The following WWOX variants were observed in gnomAD, a reference collection of about 807,000 sequenced individuals.
WWOX encodes WW domain containing oxidoreductase, also known as WW domain-containing oxidoreductase.
Under a neutral mutation model 46.2 loss-of-function variants are expected in WWOX, and 69 were observed. The ratio of observed to expected loss-of-function variants is 1.49; its 90% CI spans 1.23 to 1.82. WWOX has a LOEUF of 1.82. Among genes scored for constraint, WWOX ranks in the 40% most tolerant of loss-of-function variants. The pLI is 0.00. For missense variants in WWOX, 919 were observed against 542.6 expected (o/e 1.69, Z -6.89); for synonymous variants, 359 against 202.6 (o/e 1.77, Z -6.56).
chr16:79,106,964 C>A (rs1391480881), intron 8 of WWOX, among the ~76,000 whole-genome samples: 1 of 151,946 alleles, frequency 6.6e-6, no homozygotes, highest in African/African-American at 2.4e-5. Flanking sequence ...CCCCCCGCAA[C>A]CATGTCCCAC....
chr16:78,506,728 T>TTTG lies in WWOX; in HGVS notation c.1056+73976_1056+73977insTTG, dbSNP rs1330915138. On this transcript the variant is annotated intron_variant, in intron 8 of 8. Coordinates refer to ENST00000566780, the MANE Select transcript of WWOX (RefSeq NM_016373.4). Reference sequence around the variant, plus strand: ...TTTTTTTTTTTTTTTTTTTTTTTTTTGTACAGAGTCTTGCTCTGTTGTCCA... The same window carrying TTTG: ...TTTTTTTTTTTTTTTTTTTTTTTTTTTTGGTACAGAGTCTTGCTCTGTTGTCCA... Among the ~76,000 whole-genome samples the TTTG allele has an allele frequency of 4.0e-3, 378 of 93,468 alleles. 21 individuals are homozygous for TTTG. The highest frequency in any genetic ancestry group is 6.2e-3 in the Middle Eastern group (1 of 162). The allele number at this position is 93,468 out of a possible 152,430, so 61.3% of individuals were successfully genotyped here.
At position 78,575,034 on chromosome 16, in the gene WWOX, T is replaced by A. The variant is rs1236221301; in HGVS notation, c.1056+142282T>A. The stretch of plus-strand genomic sequence containing the variant: ...ATATATATATATAAATATATATATA[T>A]ATATATATATATATATATATATATA... On this transcript the variant is annotated intron_variant, in intron 8 of 8. Coordinates refer to ENST00000566780, the MANE Select transcript of WWOX (RefSeq NM_016373.4). 5.7e-3 allele frequency among the ~76,000 whole-genome samples: 15 copies of A among 2,618 alleles called. 2 individuals carry two copies. Among genetic ancestry groups the A allele is most frequent in the East Asian group, 0.023 (2 of 86 alleles). The allele number at this position is 2,618 out of a possible 152,430, so 1.7% of individuals were successfully genotyped here.
At chr16:78,885,257 A>G (rs947086888) in intron 8 of WWOX, among the ~76,000 whole-genome samples, 24 of 148,474 alleles carry the variant, frequency 1.6e-4, no homozygotes, top group Non-Finnish European at 3.6e-4. Flanking sequence ...GAAAAAAAAA[A>G]TACTCTTGCC....
intron 6 of WWOX, among the ~76,000 whole-genome samples, chr16:78,420,816 T>C (rs551826146): frequency 2.0e-5 from 3 of 152,150 alleles, no homozygotes. Flanking sequence ...AGCTAATGCT[T>C]ATTGTAGAAA....
chr16:78,214,853 C>T (rs559536198), intron 5 of WWOX, among the ~76,000 whole-genome samples: 8 of 149,992 alleles, frequency 5.3e-5, no homozygotes, highest in East Asian at 3.9e-4. Flanking sequence ...AAAGGTTTGT[C>T]GTTTAAAAAT....
At chr16:78,410,290 T>C (rs544861081) in intron 6 of WWOX, among the ~76,000 whole-genome samples, 2 of 152,330 alleles carry the variant, frequency 1.3e-5, no homozygotes, top group South Asian at 2.1e-4. Context: ...GTTACTTCTT[T>C]ATTGCAGTGC....
intron 8 of WWOX, among the ~76,000 whole-genome samples, chr16:79,202,444 C>T (rs188984765): frequency 2.0e-5 from 3 of 152,246 alleles, no homozygotes; most frequent in East Asian, 3.9e-4. Context: ...AGAAACCTAC[C>T]TTGTGATTCT....
intron 8 of WWOX, among the ~76,000 whole-genome samples, chr16:79,131,264 A>C (rs2049872646): frequency 6.6e-6 from 1 of 152,106 alleles, no homozygotes; most frequent in African/African-American, 2.4e-5. Context: ...AAAATATTAG[A>C]AGCAAAAGAA....
chr16:78,750,826 C>G (rs1228000366), intron 8 of WWOX, among the ~76,000 whole-genome samples: 2 of 152,102 alleles, frequency 1.3e-5, no homozygotes, highest in Non-Finnish European at 2.9e-5. Context: ...ACATGATTTT[C>G]TTCTTTTTTA....
intron 5 of WWOX, among the ~76,000 whole-genome samples, chr16:78,191,471 A>G (rs1370370953): frequency 2.0e-5 from 3 of 152,242 alleles, no homozygotes; most frequent in Admixed American, 2.0e-4. Context: ...CCGCCACAAT[A>G]TATCAATGTA....
intron 8 of WWOX, among the ~76,000 whole-genome samples, chr16:78,500,081 A>T (rs933692654): frequency 2.0e-5 from 3 of 152,202 alleles, no homozygotes; most frequent in African/African-American, 7.2e-5. Flanking sequence ...GCAGACTAGC[A>T]TGGTTCAAAG....
intron 8 of WWOX, among the ~76,000 whole-genome samples, chr16:78,796,823 T>A (rs917544138): frequency 5.3e-5 from 7 of 132,566 alleles, no homozygotes; most frequent in African/African-American, 2.0e-4. Flanking sequence ...TTCTTTATCT[T>A]CTTCTTTTTT....
At chr16:78,717,446 C>T (rs1273279280) in intron 8 of WWOX, among the ~76,000 whole-genome samples, 1 of 152,122 alleles carries the variant, frequency 6.6e-6, no homozygotes, top group Non-Finnish European at 1.5e-5. Flanking sequence ...GGCTTTAGCA[C>T]CTTTTGAACA....
chr16:78,927,546 T>G (rs367854016), intron 8 of WWOX, among the ~76,000 whole-genome samples: 2 of 152,204 alleles, frequency 1.3e-5, no homozygotes, highest in African/African-American at 4.8e-5. Context: ...TAAATGGATG[T>G]TAGTCATTTG....
At chr16:78,118,578 A>C (rs1428259797) in intron 4 of WWOX, among the ~76,000 whole-genome samples, 1 of 152,144 alleles carries the variant, frequency 6.6e-6, no homozygotes, top group African/African-American at 2.4e-5. Flanking sequence ...GTTTGTGTAT[A>C]TTCAGTTATC....
chr16:78,940,838 G>T (rs1320386786), intron 8 of WWOX, among the ~76,000 whole-genome samples: 1 of 151,904 alleles, frequency 6.6e-6, no homozygotes, highest in Non-Finnish European at 1.5e-5. Flanking sequence ...TGATCCCGGT[G>T]TAATGTACAG....
At chr16:79,048,343 G>A (rs1203847788) in intron 8 of WWOX, among the ~76,000 whole-genome samples, 5 of 151,912 alleles carry the variant, frequency 3.3e-5, no homozygotes, top group Non-Finnish European at 5.9e-5. Context: ...CACACATGCC[G>A]GTGCACCTGG....
At chr16:78,803,470 A>G (rs2050948641) in intron 8 of WWOX, among the ~76,000 whole-genome samples, 1 of 152,126 alleles carries the variant, frequency 6.6e-6, no homozygotes, top group African/African-American at 2.4e-5. Context: ...TTTTTGAGAC[A>G]GGGTCTCGCT....
chr16:78,598,656 C>T (rs142911548), intron 8 of WWOX, among the ~76,000 whole-genome samples: 1 of 152,118 alleles, frequency 6.6e-6, no homozygotes, highest in African/African-American at 2.4e-5. Context: ...AATCTCCTTT[C>T]AAAAATCACA....
Sources: gnomAD v4.1 joint callset for allele counts (sites outside exome capture counted in the v4.1 genomes callset) on GRCh38, gnomAD v4.1.1 for gene constraint, MANE v1.5 for transcripts, NCBI Gene and HGNC (gene_info 2026-07-23, HGNC 2026-07-21) for gene names.